The following NOL11 variants were observed in gnomAD, a reference collection of about 807,000 sequenced individuals.
NOL11 encodes nucleolar protein 11.
A neutral mutation model predicts 93.0 loss-of-function variants in NOL11; 42 were observed. The ratio of observed to expected loss-of-function variants is 0.45; its 90% CI spans 0.35 to 0.58. The LOEUF (loss-of-function observed/expected upper bound fraction) is 0.58. Ranked by LOEUF, NOL11 falls within the 20% of genes least tolerant of loss-of-function variation. The pLI is 0.00. For synonymous variants in NOL11, 296 were observed against 293.7 expected, an observed-to-expected ratio of 1.01 and a Z score of -0.08; for missense variants, 775 against 841.8, an observed-to-expected ratio of 0.92 and a Z score of 0.98.
At chr17:67,727,784 T>C (rs1314750251) in intron 7 of NOL11, among the ~76,000 whole-genome samples, 1 of 150,734 alleles carries the variant, frequency 6.6e-6, no homozygotes, top group Non-Finnish European at 1.5e-5. Flanking sequence ...GCCAACATGG[T>C]GAAACTCCAT....
At chr17:67,737,271 TA>T in intron 11 of NOL11, 126 bp downstream of exon 11, 1 of 710,792 alleles carries the variant, frequency 1.4e-6, no homozygotes, top group Non-Finnish European at 2.4e-6. Flanking sequence ...TGTAGTATCT[TA>T]AGGGTGTCAG....
In NOL11 at chr17:67,724,069, C is replaced by T. The variant is rs150197636; in HGVS notation, c.540C>T (p.Tyr180=). The change falls in exon 6 of 18, where the codon TAC becomes TAT. Residue 180 remains tyrosine (Y), a synonymous_variant. Transcript: ENST00000253247. ...ITEKHGNYFA[Y]VQMFNSRILT... Reference sequence around the variant, plus strand: ...TGCAGCATGGAAATTACTTTGCTTACGTGCAAATGTTTAACTCACGTATCT... The same window carrying T: ...TGCAGCATGGAAATTACTTTGCTTATGTGCAAATGTTTAACTCACGTATCT... 1.8e-3 allele frequency: 2,816 copies of T among 1,547,864 alleles called. 4 individuals are homozygous for T. Among genetic ancestry groups the T allele is most frequent in the Non-Finnish European group, 2.2e-3 (2,487 of 1,151,454 alleles).
At chr17:67,736,915 G>A (rs896723871) in intron 10 of NOL11, 156 bp from the exon 11 acceptor site, 7 of 725,552 alleles carry the variant, frequency 9.6e-6, no homozygotes, top group African/African-American at 9.0e-5. Context: ...TCTTTATCCA[G>A]AAATGCCCCA....
chr17:67,718,776 G>T (rs904033605), intron 1 of NOL11, among the ~76,000 whole-genome samples: 1 of 152,206 alleles, frequency 6.6e-6, no homozygotes, highest in South Asian at 2.1e-4. Context: ...ATGTTTTAAA[G>T]AAGTTAGGTA....
intron 7 of NOL11, among the ~76,000 whole-genome samples, chr17:67,728,100 A>G (rs753070813): frequency 4.6e-5 from 7 of 151,948 alleles, no homozygotes; most frequent in Non-Finnish European, 1.0e-4. Flanking sequence ...CTCCACTAAA[A>G]ATACAAAAAA....
chr17:67,731,672 C>A (rs535909587), intron 7 of NOL11, among the ~76,000 whole-genome samples: 1 of 152,296 alleles, frequency 6.6e-6, no homozygotes, highest in South Asian at 2.1e-4. Flanking sequence ...TTAGCTCTTA[C>A]ATTTAGGTTG....
At position 67,735,883 on chromosome 17, in the gene NOL11, G is replaced by C. The variant is rs372647855; in HGVS notation, c.931-17G>C. On this transcript the variant is annotated splice_polypyrimidine_tract_variant and intron_variant, in intron 8 of 17. Coordinates refer to ENST00000253247, the MANE Select transcript of NOL11 (RefSeq NM_015462.5). ...GAGAAAAAAATTTGCTTATGTTTTT[G>C]ATAACTTTTTTTGTAGCTCTGGTAT... 102 of 1,597,088 alleles carry C rather than the reference G, an allele frequency of 6.4e-5. No individual in the cohort carries two copies. In the African/African-American group the frequency reaches 1.3e-3, roughly 20 times the overall value.
At chr17:67,741,524 A>G (rs1197040648) in intron 16 of NOL11, among the ~76,000 whole-genome samples, 2 of 152,034 alleles carry the variant, frequency 1.3e-5, no homozygotes, top group Non-Finnish European at 2.9e-5. Context: ...TAGCCTAAAA[A>G]TAAGTTAAAT....
chr17:67,729,858 C>T (rs1040658522), intron 7 of NOL11, among the ~76,000 whole-genome samples: 2 of 152,164 alleles, frequency 1.3e-5, no homozygotes, highest in Admixed American at 6.5e-5. Flanking sequence ...GGATTACAGG[C>T]GTGAGCCACC....
At chr17:67,718,463 C>G (rs1184726276) in intron 1 of NOL11, among the ~76,000 whole-genome samples, 1 of 152,200 alleles carries the variant, frequency 6.6e-6, no homozygotes, top group Non-Finnish European at 1.5e-5. Context: ...GAGGATGACA[C>G]TGACAGAGTG....
chr17:67,740,459 A>G (rs1358399230), intron 16 of NOL11, among the ~76,000 whole-genome samples: 2 of 151,794 alleles, frequency 1.3e-5, no homozygotes, highest in Non-Finnish European at 2.9e-5. Flanking sequence ...AAAATACAAA[A>G]TTAGCCAGGT....
At chr17:67,729,924 G>A (rs1171283307) in intron 7 of NOL11, among the ~76,000 whole-genome samples, 1 of 151,982 alleles carries the variant, frequency 6.6e-6, no homozygotes, top group Non-Finnish European at 1.5e-5. Flanking sequence ...CTTAGACTTA[G>A]CCTAATTTTT....
chr17:67,743,624 C>A, intron 17 of NOL11, 38 bp downstream of exon 17: 1 of 1,308,824 alleles, frequency 7.6e-7, no homozygotes, highest in Non-Finnish European at 1.1e-6. Context: ...TTTATTTGTA[C>A]CCAAGTATCA....
At chr17:67,718,346 G>A (rs979697722) in intron 1 of NOL11, among the ~76,000 whole-genome samples, 1 of 152,158 alleles carries the variant, frequency 6.6e-6, no homozygotes, top group African/African-American at 2.4e-5. Flanking sequence ...GAAAACCTGT[G>A]CTTTTGCTTC....
chr17:67,734,249 A>T (rs2055180475), intron 7 of NOL11, 114 bp from the exon 8 acceptor site: 1 of 659,976 alleles, frequency 1.5e-6, no homozygotes, highest in Admixed American at 3.0e-5. Context: ...TGTCTTCATA[A>T]TTCATTTCTA....
Position 67,738,387 on chromosome 17 carries a change from C to T in NOL11, c.1763+32C>T, listed in dbSNP as rs1199199409. On this transcript the variant is annotated intron_variant, in intron 14 of 17. Transcript: ENST00000253247. ...TTTGACATAGAGCATCCCTCTGTTT[C>T]TCTTTATAGGATATAGTTATATGCC... 11 of 1,437,186 alleles carry T rather than the reference C, an allele frequency of 7.7e-6. No individual in the cohort carries two copies. In the Middle Eastern group the frequency reaches 8.8e-4, roughly 115 times the overall value. The allele number at this position is 1,437,186 out of a possible 1,614,324, so 89.0% of individuals were successfully genotyped here. A position where few individuals can be genotyped will look rare whatever the true frequency, so the allele number is the denominator to read the frequency against.
At position 67,739,508 on chromosome 17, in the gene NOL11, C is replaced by A; in HGVS notation, c.1843-8C>A. 6.5e-7 allele frequency: 1 copy of A among 1,527,104 alleles called. No homozygotes were observed. The highest frequency in any genetic ancestry group is 8.8e-7 in the Non-Finnish European group (1 of 1,133,382). 94.6% of individuals were successfully genotyped at this position (1,527,104 alleles called of 1,614,324 possible). A position where few individuals can be genotyped will look rare whatever the true frequency, so the allele number is the denominator to read the frequency against. ...AATGATAAACTATCCATTTTTTTTC[C>A]CACCCAGCTGTTTCTTAAGTATTTG... On this transcript the variant is annotated splice_region_variant and splice_polypyrimidine_tract_variant and intron_variant, in intron 15 of 17. Coordinates refer to ENST00000253247, the MANE Select transcript of NOL11 (RefSeq NM_015462.5).
rs1324520120 is a variant in NOL11 at position 67,737,952 on chromosome 17, T to A, written c.1509T>A (p.Ala503=). ...FPDIPESVTC[A]CLKIFLSIGD... is the part of the protein sequence containing the mutation. ...ACATTCCTGAATCAGTCACCTGTGC[T>A]TGCTTAAAAATTTTCTTGAGGTAAG... The change falls in exon 13 of 18, where the codon GCT becomes GCA. Residue 503 remains alanine (A), a synonymous_variant. Coordinates refer to ENST00000253247, the MANE Select transcript of NOL11 (RefSeq NM_015462.5). 6.2e-7 allele frequency: 1 copy of A among 1,610,464 alleles called. No homozygotes were observed. Among genetic ancestry groups the A allele is most frequent in the East Asian group, 2.2e-5 (1 of 44,858 alleles).
Position 67,737,929 on chromosome 17 carries a change from A to G in NOL11, c.1486A>G (p.Ile496Val), listed in dbSNP as rs376282778. 7.4e-6 allele frequency: 12 copies of G among 1,613,534 alleles called. No homozygotes were observed. The highest frequency in any genetic ancestry group is 1.0e-5 in the Non-Finnish European group (12 of 1,179,882). Residue 496 changes from isoleucine to valine, a missense_variant, in exon 13 of 18, where the codon ATT becomes GTT. Physicochemically the swap from Ile to Val is conservative, Grantham distance 29 (BLOSUM62 3). Coordinates refer to ENST00000253247, the MANE Select transcript of NOL11 (RefSeq NM_015462.5). ...LQLCLQQFPD[I>V]PESVTCACLK... is the part of the protein sequence containing the mutation. Reference sequence around the variant, plus strand: ...ACTCTGTCTACAGCAGTTCCCTGACATTCCTGAATCAGTCACCTGTGCTTG... The same window carrying G: ...ACTCTGTCTACAGCAGTTCCCTGACGTTCCTGAATCAGTCACCTGTGCTTG...
Sources: gnomAD v4.1 joint callset for allele counts (sites outside exome capture counted in the v4.1 genomes callset) on GRCh38, gnomAD v4.1.1 for gene constraint, MANE v1.5 for transcripts, NCBI Gene and HGNC (gene_info 2026-07-23, HGNC 2026-07-21) for gene names.